GRM8: variants seen among roughly 807,000 people sequenced by gnomAD.
The protein encoded by GRM8 is glutamate metabotropic receptor 8.
GRM8 carries 47 observed loss-of-function variants against 87.2 expected under a neutral mutation model. The observed-to-expected ratio is 0.54, with a 90% CI of 0.43 to 0.69. GRM8 has a LOEUF of 0.69. GRM8 is among the 30% of genes least tolerant of loss of function. The pLI is 0.00. For missense variants in GRM8, 1,019 were observed against 1,139.2 expected (o/e 0.89, Z 1.52); for synonymous variants, 396 against 404.5 (o/e 0.98, Z 0.25).
At chr7:126,763,468 TATATACACAC>T (rs1303960952) in intron 7 of GRM8, among the ~76,000 whole-genome samples, 3,067 of 51,868 alleles carry the variant, frequency 0.059, 60 homozygotes, top group African/African-American at 0.094. Context: ...TATATATATA[TATATACACAC>T]ACACACACAC....
chr7:126,860,895 G>A (rs954838564), intron 6 of GRM8, among the ~76,000 whole-genome samples: 3 of 152,100 alleles, frequency 2.0e-5, no homozygotes, highest in African/African-American at 7.2e-5. Flanking sequence ...CTCTTGACCT[G>A]TGAATATTAG....
At chr7:126,672,470 AC>A (rs1563078943) in intron 7 of GRM8, among the ~76,000 whole-genome samples, 1 of 152,132 alleles carries the variant, frequency 6.6e-6, no homozygotes, top group Admixed American at 6.5e-5. Flanking sequence ...TTTAAAAGGC[AC>A]CTTCTCTTTT....
intron 3 of GRM8, among the ~76,000 whole-genome samples, chr7:127,103,036 C>T (rs11771458): frequency 0.45 from 67,777 of 151,988 alleles, 16,793 homozygotes; most frequent in African/African-American, 0.67. Flanking sequence ...CTAATTTTTG[C>T]ATTTTTAGTA....
In GRM8 at chr7:126,677,449, C is replaced by A. The variant is rs868441409; in HGVS notation, c.1358-67951G>T. On this transcript the variant is annotated intron_variant, in intron 7 of 10. Coordinates refer to ENST00000339582, the MANE Select transcript of GRM8 (RefSeq NM_000845.3). ...CACAATTACAAAGATACGGACTCAA[C>A]CTAAGAGCCCATCAACTGATGAGTG... Among the ~76,000 whole-genome samples, 5 of 151,532 alleles carry A rather than the reference C, an allele frequency of 3.3e-5. No individual in the cohort carries two copies. In the South Asian group the frequency reaches 8.3e-4, roughly 25 times the overall value.
chr7:126,805,188 C>T (rs1792543547), intron 6 of GRM8, among the ~76,000 whole-genome samples: 1 of 152,166 alleles, frequency 6.6e-6, no homozygotes, highest in African/African-American at 2.4e-5. Flanking sequence ...CTGTCAGCTT[C>T]CCTATTTTTT....
intron 3 of GRM8, among the ~76,000 whole-genome samples, chr7:126,915,594 G>A (rs1169055419): frequency 6.6e-6 from 1 of 152,186 alleles, no homozygotes; most frequent in Non-Finnish European, 1.5e-5. Context: ...CTGATATGTT[G>A]CCTCTTCTTA....
Position 127,242,945 on chromosome 7 carries a change from T to A in GRM8, c.260A>T (p.Asn87Ile). 1 of 1,614,170 alleles carries A rather than the reference T, an allele frequency of 6.2e-7. No individual in the cohort carries two copies. The highest frequency in any genetic ancestry group is 8.5e-7 in the Non-Finnish European group (1 of 1,180,014). Residue 87 changes from asparagine (N) to isoleucine (I), a missense_variant, in exon 2 of 11, where the codon AAC becomes ATC. Coordinates refer to ENST00000339582, the MANE Select transcript of GRM8 (RefSeq NM_000845.3). ...EAMLYAIDQINKDPDLLSNIT... is the reference protein window; with the variant it reads ...EAMLYAIDQIIKDPDLLSNIT... ...GTTGGAAAGGAGATCAGGGTCCTTG[T>A]TAATCTGGTCAATTGCATAAAGCAT...
rs555449137 is a variant in GRM8 at position 127,093,514 on chromosome 7, C to T, written c.727+12982G>A. On this transcript the variant is annotated intron_variant, in intron 3 of 10. Transcript: ENST00000339582. Reference sequence around the variant, plus strand: ...AACAACCCTATTTCCCTTAATAGCCCGTTATGCACATGCCAGCCATGATTC... The same window carrying T: ...AACAACCCTATTTCCCTTAATAGCCTGTTATGCACATGCCAGCCATGATTC... 3.9e-5 allele frequency among the ~76,000 whole-genome samples: 6 copies of T among 152,262 alleles called. No individual in the cohort carries two copies. The East Asian group carries it at 5.8e-4, about 15-fold the overall frequency.
chr7:126,567,824 C>T (rs563293169), intron 8 of GRM8, among the ~76,000 whole-genome samples: 11 of 152,200 alleles, frequency 7.2e-5, no homozygotes, highest in African/African-American at 2.6e-4. Context: ...CTGGACCCAC[C>T]ATCATCCTTG....
Position 126,922,539 on chromosome 7 carries a change from C to T in GRM8, c.728-17856G>A, listed in dbSNP as rs930821741. ...TCTTGGGGATCAAGATTCAAAAGCA[C>T]GGGGAGGGCAGTGGGTTTCTGTGAA... On this transcript the variant is annotated intron_variant, in intron 3 of 10. Transcript: ENST00000339582. Among the ~76,000 whole-genome samples, 11 of 152,126 alleles carry T rather than the reference C, an allele frequency of 7.2e-5. No individual in the cohort carries two copies. The East Asian group carries it at 7.7e-4, about 11-fold the overall frequency.
chr7:126,822,401 T>G (rs554574405), intron 6 of GRM8, among the ~76,000 whole-genome samples: 1 of 152,298 alleles, frequency 6.6e-6, no homozygotes, highest in East Asian at 1.9e-4. Flanking sequence ...GATTTACCAC[T>G]GATTTTTTAT....
intron 8 of GRM8, among the ~76,000 whole-genome samples, chr7:126,595,702 C>T (rs1797113445): frequency 6.6e-6 from 1 of 151,978 alleles, no homozygotes; most frequent in South Asian, 2.1e-4. Context: ...TTTATATGGC[C>T]ATGTAGTATT....
intron 8 of GRM8, among the ~76,000 whole-genome samples, chr7:126,604,973 C>A (rs1798202084): frequency 6.6e-6 from 1 of 152,144 alleles, no homozygotes; most frequent in Admixed American, 6.5e-5. Context: ...TTATATTCAA[C>A]TTATTTCCTT....
intron 6 of GRM8, among the ~76,000 whole-genome samples, chr7:126,885,147 C>T (rs1800371215): frequency 6.6e-6 from 1 of 152,160 alleles, no homozygotes; most frequent in African/African-American, 2.4e-5. Flanking sequence ...CTGGCACAAA[C>T]CCCATATCAT....
At chr7:126,939,907 A>G (rs1416203362) in intron 3 of GRM8, among the ~76,000 whole-genome samples, 1 of 152,220 alleles carries the variant, frequency 6.6e-6, no homozygotes, top group Non-Finnish European at 1.5e-5. Flanking sequence ...TGATAATTAC[A>G]GCAATGTGTG....
chr7:127,072,883 T>C (rs900059692), intron 3 of GRM8, among the ~76,000 whole-genome samples: 1 of 151,890 alleles, frequency 6.6e-6, no homozygotes, highest in Non-Finnish European at 1.5e-5. Context: ...TCTAGTTCAC[T>C]TTTTTTTATT....
intron 2 of GRM8, among the ~76,000 whole-genome samples, chr7:127,214,454 T>G (rs1422876291): frequency 6.6e-6 from 1 of 152,222 alleles, no homozygotes; most frequent in African/African-American, 2.4e-5. Flanking sequence ...TTAGTCTGTT[T>G]TCACACTGCT....
chr7:127,064,923 C>A (rs969646658), intron 3 of GRM8, among the ~76,000 whole-genome samples: 1 of 152,088 alleles, frequency 6.6e-6, no homozygotes, highest in Non-Finnish European at 1.5e-5. Context: ...GGTGGGAGTG[C>A]AAATTAGTTC....
At chr7:126,997,561 A>G (rs1813307939) in intron 3 of GRM8, among the ~76,000 whole-genome samples, 1 of 150,308 alleles carries the variant, frequency 6.7e-6, no homozygotes, top group Admixed American at 6.6e-5. Context: ...AAAAAAAAAG[A>G]GACGATCCAA....
Sources: allele counts gnomAD v4.1 joint callset (sites outside exome capture counted in the v4.1 genomes callset), GRCh38; gene constraint gnomAD v4.1.1; transcripts MANE v1.5; gene names NCBI Gene and HGNC (gene_info 2026-07-23, HGNC 2026-07-21).